ERG: variants seen among roughly 807,000 people sequenced by gnomAD.
The protein encoded by ERG is ETS transcription factor ERG, also known as transcriptional regulator ERG.
Under a neutral mutation model 55.3 loss-of-function variants are expected in ERG, and 9 were observed. The observed-to-expected ratio is 0.16, with a 90% CI of 0.10 to 0.28. The LOEUF is 0.28. Among genes scored for constraint, ERG ranks in the 10% least tolerant of loss-of-function variants. The pLI, the probability that ERG is intolerant of heterozygous loss-of-function variation, is 1.00. For synonymous variants in ERG, 223 were observed against 237.3 expected, an observed-to-expected ratio of 0.94 and a Z score of 0.55; for missense variants, 434 against 631.6, an observed-to-expected ratio of 0.69 and a Z score of 3.35.
At chr21:38,629,049 T>C (rs927832232) in intron 1 of ERG, among the ~76,000 whole-genome samples, 2 of 152,194 alleles carry the variant, frequency 1.3e-5, no homozygotes, top group Non-Finnish European at 2.9e-5. Flanking sequence ...TACAATTCAA[T>C]AGCAGAGTTT....
chr21:38,582,923 T>C (rs1247447173), intron 1 of ERG, among the ~76,000 whole-genome samples: 1 of 152,250 alleles, frequency 6.6e-6, no homozygotes, highest in Non-Finnish European at 1.5e-5. Flanking sequence ...ATTAAAATGT[T>C]GCAACTTTTT....
At chr21:38,546,827 G>T (rs1272357801) in intron 2 of ERG, among the ~76,000 whole-genome samples, 1 of 152,188 alleles carries the variant, frequency 6.6e-6, no homozygotes. Flanking sequence ...CCAAAGCTGA[G>T]CTTCCCATTG....
At chr21:38,440,906 T>C (rs1452276890) in intron 2 of ERG, among the ~76,000 whole-genome samples, 1 of 151,944 alleles carries the variant, frequency 6.6e-6, no homozygotes, top group Admixed American at 6.5e-5. Context: ...GAGATGAGTC[T>C]TAGCTCCACT....
In ERG at chr21:38,382,657, C is replaced by T; in HGVS notation, c.*746G>A. 1.9e-6 allele frequency: 2 copies of T among 1,066,978 alleles called. No homozygotes were observed. The highest frequency in any genetic ancestry group is 2.3e-6 in the Non-Finnish European group (2 of 880,114). 66.1% of individuals were successfully genotyped at this position (1,066,978 alleles called of 1,614,324 possible). A position where few individuals can be genotyped will look rare whatever the true frequency, so the allele number is the denominator to read the frequency against. ...TTCATTGCTTGAGAAGTTTCTTTCCCAGCCCTGGTCTCCTCCTTCTCTGCC... is the reference window on the plus strand; with the variant it reads ...TTCATTGCTTGAGAAGTTTCTTTCCTAGCCCTGGTCTCCTCCTTCTCTGCC... On this transcript the variant is annotated 3_prime_UTR_variant, in exon 10 of 10. Coordinates refer to ENST00000288319, the MANE Select transcript of ERG (RefSeq NM_182918.4).
At position 38,429,466 on chromosome 21, in the gene ERG, CATATGTGTAT is replaced by C. The variant is rs1990032004; in HGVS notation, c.237-5915_237-5906del. Among the ~76,000 whole-genome samples, 2 of 142,246 alleles carry C rather than the reference CATATGTGTAT, an allele frequency of 1.4e-5. 1 individual carries two copies. Among genetic ancestry groups the C allele is most frequent in the Non-Finnish European group, 3.0e-5 (2 of 67,028 alleles). 93.3% of individuals were successfully genotyped at this position (142,246 alleles called of 152,430 possible). ...ACACGTGTACACATGTACATATACA[CATATGTGTAT>C]ATACATGTATGCACATGTACATATA... On this transcript the variant is annotated intron_variant, in intron 2 of 9. Coordinates refer to ENST00000288319, the MANE Select transcript of ERG (RefSeq NM_182918.4).
At chr21:38,575,646 C>A (rs1392692744) in intron 2 of ERG, 3 of 1,609,934 alleles carry the variant, frequency 1.9e-6, no homozygotes, top group African/African-American at 2.7e-5. Context: ...GGCTTCCCAG[C>A]CAAGACGGGA....
rs1315826396 is a variant in ERG, at chr21:38,381,890, A to G, written c.*1513T>C. ...GGCTGACGCCATTTGGGTGCCAAAC[A>G]TCCTATTTCCTTGGCTCTCCCTTGC... On this transcript the variant is annotated 3_prime_UTR_variant, in exon 10 of 10. Transcript: ENST00000288319. The G allele has an allele frequency of 1.0e-5, 11 of 1,063,492 alleles. No individual in the cohort carries two copies. In the African/African-American group the frequency reaches 1.8e-4, roughly 17 times the overall value. The allele number at this position is 1,063,492 out of a possible 1,614,324, so 65.9% of individuals were successfully genotyped here.
chr21:38,554,836 A>T (rs576158597), intron 2 of ERG, among the ~76,000 whole-genome samples: 21 of 150,950 alleles, frequency 1.4e-4, no homozygotes, highest in Non-Finnish European at 2.5e-4. Context: ...AAAGTTAGAA[A>T]GGAAAAAAAA....
At chr21:38,565,961 G>A (rs1486737494) in intron 2 of ERG, among the ~76,000 whole-genome samples, 1 of 152,154 alleles carries the variant, frequency 6.6e-6, no homozygotes, top group Admixed American at 6.5e-5. Context: ...AGTGTGTGAA[G>A]AGTATGAAGA....
intron 1 of ERG, among the ~76,000 whole-genome samples, chr21:38,488,363 G>T (rs1887300662): frequency 6.6e-6 from 1 of 152,180 alleles, no homozygotes; most frequent in Non-Finnish European, 1.5e-5. Context: ...TGCTTCGCCA[G>T]TGCTTAAGGG....
At chr21:38,532,942 A>C (rs747325765) in intron 2 of ERG, among the ~76,000 whole-genome samples, 19 of 152,260 alleles carry the variant, frequency 1.2e-4, no homozygotes, top group Non-Finnish European at 2.2e-4. Context: ...TTGGTCAAAA[A>C]TGATCTACTT....
chr21:38,544,049 C>T (rs1280519965), intron 2 of ERG, among the ~76,000 whole-genome samples: 1 of 152,122 alleles, frequency 6.6e-6, no homozygotes, highest in Non-Finnish European at 1.5e-5. Context: ...CTGGGGAACA[C>T]TATTGAATAG....
In ERG at chr21:38,530,523, G is replaced by A. The variant is rs552009813; in HGVS notation, c.-41+45139C>T. ...GAGAGGCCAGAAAGCCTTCTCCAGG[G>A]GAAGAAAGTCAAGAAAAGGTCTCAA... On this transcript the variant is annotated intron_variant, in intron 2 of 8. Transcript: ENST00000398897. 1.1e-3 allele frequency among the ~76,000 whole-genome samples: 172 copies of A among 152,264 alleles called. 1 individual carries two copies. Among genetic ancestry groups the A allele is most frequent in the Non-Finnish European group, 2.0e-3 (136 of 68,028 alleles).
At position 38,403,583 on chromosome 21, in the gene ERG, G is replaced by T; in HGVS notation, c.515C>A (p.Thr172Asn). 6.2e-7 allele frequency: 1 copy of T among 1,614,174 alleles called. No individual in the cohort carries two copies. The highest frequency in any genetic ancestry group is 8.5e-7 in the Non-Finnish European group (1 of 1,180,034). ...GGTGAGCCTCTGGAAGTCGTCCTTG[G>T]TCATCTTGCACAGTTCCTTCCCATC... ...NIDGKELCKM[T>N]KDDFQRLTPS... Residue 172 changes from threonine to asparagine, a missense_variant, in exon 4 of 10, where the codon ACC (threonine) becomes AAC (asparagine). Coordinates refer to ENST00000288319, the MANE Select transcript of ERG (RefSeq NM_182918.4).
upstream of ERG, among the ~76,000 whole-genome samples, chr21:38,588,789 C>T (rs2060082442): frequency 6.6e-6 from 1 of 152,122 alleles, no homozygotes; most frequent in South Asian, 2.1e-4. Context: ...GTCAATAGCT[C>T]ACTGCAGCCT....
chr21:38,429,123 G>A (rs1989982676), intron 2 of ERG, among the ~76,000 whole-genome samples: 1 of 152,042 alleles, frequency 6.6e-6, no homozygotes, highest in Non-Finnish European at 1.5e-5. Context: ...AGTTATAAGT[G>A]AGAACACACA....
chr21:38,550,771 C>T (rs1250409931), intron 2 of ERG, among the ~76,000 whole-genome samples: 1 of 152,172 alleles, frequency 6.6e-6, no homozygotes, highest in East Asian at 1.9e-4. Flanking sequence ...GAGACTATAA[C>T]TACAACCAGC....
chr21:38,644,023 C>T (rs1282041983), intron 1 of ERG, among the ~76,000 whole-genome samples: 1 of 152,210 alleles, frequency 6.6e-6, no homozygotes, highest in Non-Finnish European at 1.5e-5. Flanking sequence ...TTCTCACCCT[C>T]TCAACAAACT....
intron 2 of ERG, among the ~76,000 whole-genome samples, chr21:38,509,317 G>T (rs2059493592): frequency 6.6e-6 from 1 of 152,300 alleles, no homozygotes; most frequent in South Asian, 2.1e-4. Flanking sequence ...CATCAATCTT[G>T]ATTGGCATTG....
Sources: gnomAD v4.1 joint callset for allele counts (sites outside exome capture counted in the v4.1 genomes callset) on GRCh38, gnomAD v4.1.1 for gene constraint, MANE v1.5 for transcripts, NCBI Gene and HGNC (gene_info 2026-07-23, HGNC 2026-07-21) for gene names.